The following RAD18 variants were observed in gnomAD, a reference collection of about 807,000 sequenced individuals.
RAD18 encodes the protein E3 ubiquitin-protein ligase RAD18.
In RAD18, 47 loss-of-function variants were observed where a neutral mutation model predicts 60.4. The observed-to-expected ratio is 0.78, with a 90% CI of 0.62 to 0.99. RAD18 has a LOEUF of 0.99. RAD18 is among the 50% of genes least tolerant of loss of function. RAD18 has a pLI of 0.00. For synonymous variants in RAD18, 225 were observed against 195.5 expected, an observed-to-expected ratio of 1.15 and a Z score of -1.26; for missense variants, 640 against 593.3, an observed-to-expected ratio of 1.08 and a Z score of -0.82.
rs192280839 is a variant in RAD18 at position 8,891,853 on chromosome 3, A to G, written c.1323-1402T>C. ...CAGTTGATGCTAATACAATTAAAAT[A>G]CCAGACAGAACTGCTCATTCCTTTT... is the stretch of plus-strand genomic sequence containing the variant. On this transcript the variant is annotated intron_variant, in intron 11 of 12. Transcript: ENST00000264926. 2.6e-5 allele frequency among the ~76,000 whole-genome samples: 4 copies of G among 152,382 alleles called. No individual in the cohort carries two copies. The East Asian group carries it at 7.7e-4, about 29-fold the overall frequency.
At chr3:8,916,348 C>T (rs973177271) in intron 7 of RAD18, among the ~76,000 whole-genome samples, 1 of 152,114 alleles carries the variant, frequency 6.6e-6, no homozygotes, top group Non-Finnish European at 1.5e-5. Context: ...CTGCCACAAA[C>T]CTAGCATGAT....
rs189200217 is a variant in RAD18, at chr3:8,898,141, T to C, written c.1322+753A>G. On this transcript the variant is annotated intron_variant, in intron 11 of 12. Transcript: ENST00000264926. ...TTTACCATAGCATCAGGTACATAAG[T>C]AGAACACTGGGAAAAATGTAGAGCT... Among the ~76,000 whole-genome samples the C allele has an allele frequency of 1.8e-4, 28 of 152,098 alleles. No individual in the cohort carries two copies. The East Asian group carries it at 5.0e-3, about 27-fold the overall frequency.
At chr3:8,908,796 T>A (rs1163880488) in intron 9 of RAD18, among the ~76,000 whole-genome samples, 1 of 152,232 alleles carries the variant, frequency 6.6e-6, no homozygotes, top group Admixed American at 6.5e-5. Flanking sequence ...CACTTATCAC[T>A]TCCTAAAATA....
At chr3:8,959,864 C>T (rs1210873638) in intron 1 of RAD18, among the ~76,000 whole-genome samples, 4 of 142,052 alleles carry the variant, frequency 2.8e-5, no homozygotes, top group South Asian at 2.2e-4. Context: ...CCTGCATGAC[C>T]GAGTGAAACT....
intron 10 of RAD18, among the ~76,000 whole-genome samples, chr3:8,901,885 TG>T (rs1319779953): frequency 1.3e-5 from 2 of 152,222 alleles, no homozygotes; most frequent in Non-Finnish European, 2.9e-5. Flanking sequence ...GATTCTTTTT[TG>T]TTCACTGGTC....
At chr3:8,888,686 C>G (rs1939626155) in intron 12 of RAD18, among the ~76,000 whole-genome samples, 1 of 152,194 alleles carries the variant, frequency 6.6e-6, no homozygotes, top group Non-Finnish European at 1.5e-5. Context: ...GATTCTGATC[C>G]TGGAGGTATC....
intron 7 of RAD18, among the ~76,000 whole-genome samples, chr3:8,922,868 A>G (rs1196309592): frequency 1.3e-5 from 2 of 152,228 alleles, no homozygotes; most frequent in Non-Finnish European, 2.9e-5. Context: ...GACTGTTAGA[A>G]GGAAAACTAA....
chr3:8,959,323 C>G (rs955236332), intron 1 of RAD18, among the ~76,000 whole-genome samples: 3 of 152,254 alleles, frequency 2.0e-5, no homozygotes, highest in Admixed American at 6.5e-5. Flanking sequence ...GCGCTTCCAG[C>G]TCTTACTCCA....
chr3:8,955,211 T>A (rs1940988616), intron 2 of RAD18, among the ~76,000 whole-genome samples: 1 of 152,010 alleles, frequency 6.6e-6, no homozygotes, highest in Admixed American at 6.6e-5. Flanking sequence ...TCTGGACTAG[T>A]ACCACACTCA....
intron 12 of RAD18, chr3:8,890,062 A>ATGGGATGTT (rs1939657765): frequency 3.1e-6 from 1 of 322,140 alleles, no homozygotes; most frequent in Admixed American, 4.1e-5. Context: ...AGGTAAGTAT[A>ATGGGATGTT]CTCTGATGTT....
intron 9 of RAD18, among the ~76,000 whole-genome samples, chr3:8,911,854 G>A (rs756215851): frequency 3.3e-5 from 5 of 152,144 alleles, no homozygotes; most frequent in Non-Finnish European, 7.4e-5. Flanking sequence ...AGATATACAC[G>A]AAGACCATTT....
intron 2 of RAD18, among the ~76,000 whole-genome samples, chr3:8,956,476 T>C (rs559317183): frequency 6.6e-6 from 1 of 152,278 alleles, no homozygotes; most frequent in Non-Finnish European, 1.5e-5. Context: ...CAGAGTGCAA[T>C]TTAAAACTTA....
intron 9 of RAD18, among the ~76,000 whole-genome samples, chr3:8,908,575 C>T (rs1559768213): frequency 6.6e-6 from 1 of 152,074 alleles, no homozygotes; most frequent in African/African-American, 2.4e-5. Flanking sequence ...CCTCCAGAAC[C>T]CTGCTGACAT....
chr3:8,945,648 T>G (rs1377125869), intron 4 of RAD18, among the ~76,000 whole-genome samples: 1 of 151,784 alleles, frequency 6.6e-6, no homozygotes, highest in Non-Finnish European at 1.5e-5. Context: ...ATTTTTGTAT[T>G]TTTAGTAGAG....
chr3:8,936,164 G>A (rs1489494082), intron 6 of RAD18, 109 bp from the exon 7 acceptor site: 1 of 1,057,870 alleles, frequency 9.5e-7, no homozygotes, highest in East Asian at 2.8e-5. Context: ...GAAAATAGTA[G>A]AACCATTAGA....
rs145653621 is a variant in RAD18 at position 8,905,981 on chromosome 3, C to T, written c.1028-3461G>A. 6.6e-4 allele frequency among the ~76,000 whole-genome samples: 100 copies of T among 152,274 alleles called. No homozygotes were observed. The South Asian group carries it at 0.018, about 27-fold the overall frequency. Reference sequence around the variant, plus strand: ...TCTTACCATGAAACAACTGTCCTTGCTATAATTAAAGGCTAACCTCTAACT... The same window carrying T: ...TCTTACCATGAAACAACTGTCCTTGTTATAATTAAAGGCTAACCTCTAACT... On this transcript the variant is annotated intron_variant, in intron 9 of 12. Transcript: ENST00000264926.
intron 1 of RAD18, among the ~76,000 whole-genome samples, chr3:8,959,631 G>A (rs188692828): frequency 2.0e-3 from 306 of 152,348 alleles, no homozygotes; most frequent in Non-Finnish European, 3.6e-3. Context: ...CAGAGGAAGG[G>A]AAAGTGGACA....
chr3:8,949,482 A>G (rs1405414623), intron 2 of RAD18, among the ~76,000 whole-genome samples: 1 of 152,196 alleles, frequency 6.6e-6, no homozygotes, highest in Non-Finnish European at 1.5e-5. Flanking sequence ...GATAAAACAG[A>G]CAACAGGTTG....
chr3:8,943,708 C>G (rs997026770), intron 4 of RAD18, among the ~76,000 whole-genome samples: 1 of 151,714 alleles, frequency 6.6e-6, no homozygotes, highest in African/African-American at 2.4e-5. Flanking sequence ...AACGCAACAA[C>G]AGAAAAATAA....
Sources: gnomAD v4.1 joint callset for allele counts (sites outside exome capture counted in the v4.1 genomes callset) on GRCh38, gnomAD v4.1.1 for gene constraint, MANE v1.5 for transcripts, NCBI Gene and HGNC (gene_info 2026-07-23, HGNC 2026-07-21) for gene names.